Variants in MTUS1 observed in about 807,000 individuals in gnomAD.
MTUS1 encodes the protein microtubule associated scaffold protein 1.
A neutral mutation model predicts 120.8 loss-of-function variants in MTUS1; 109 were observed. The observed-to-expected ratio is 0.90, with a 90% CI of 0.77 to 1.06. The LOEUF (loss-of-function observed/expected upper bound fraction) is 1.06. MTUS1 is among the 50% of genes least tolerant of loss of function. The pLI is 0.00. For missense variants in MTUS1, 2,210 were observed against 1,486.3 expected, an observed-to-expected ratio of 1.49 and a Z score of -8.01; for synonymous variants, 737 against 550.5, an observed-to-expected ratio of 1.34 and a Z score of -4.74.
At chr8:17,758,099 G>A (rs1003935018) in intron 1 of MTUS1, 1 of 152,158 alleles carries the variant, frequency 6.6e-6, no homozygotes, top group Non-Finnish European at 1.5e-5. Flanking sequence ...ATATCCATGA[G>A]GGAGGGAAAA....
intron 1 of MTUS1, among the ~76,000 whole-genome samples, chr8:17,778,758 G>A (rs1314315614): frequency 6.6e-6 from 1 of 152,128 alleles, no homozygotes; most frequent in Non-Finnish European, 1.5e-5. Context: ...GCAGTGAGCT[G>A]AGATAGCACC....
At chr8:17,705,037 G>A (rs1039610495) in intron 6 of MTUS1, among the ~76,000 whole-genome samples, 2 of 152,150 alleles carry the variant, frequency 1.3e-5, no homozygotes, top group Non-Finnish European at 2.9e-5. Flanking sequence ...AGGCTGGAGT[G>A]CGGTGGTGCA....
At chr8:17,661,277 G>T (rs561681288) in intron 8 of MTUS1, among the ~76,000 whole-genome samples, 37 of 152,234 alleles carry the variant, frequency 2.4e-4, no homozygotes, top group Admixed American at 6.5e-5. Context: ...TCTAGTCAGA[G>T]AAATTCTAGT....
intron 8 of MTUS1, among the ~76,000 whole-genome samples, chr8:17,672,197 C>A (rs1199348622): frequency 6.6e-6 from 1 of 152,148 alleles, no homozygotes; most frequent in African/African-American, 2.4e-5. Context: ...GATGCCCTCA[C>A]AAAACAGCCA....
At chr8:17,699,275 T>C (rs923316405) in intron 6 of MTUS1, among the ~76,000 whole-genome samples, 2 of 152,222 alleles carry the variant, frequency 1.3e-5, no homozygotes, top group Admixed American at 1.3e-4. Context: ...TGGAGTGTAA[T>C]GGCGCAGTCT....
rs751411414 is a variant in MTUS1 at position 17,723,841 on chromosome 8, T to A, written c.2288-8A>T. On this transcript the variant is annotated splice_region_variant and splice_polypyrimidine_tract_variant and intron_variant, in intron 3 of 14. Coordinates refer to ENST00000693296, the MANE Select transcript of MTUS1 (RefSeq NM_001363059.2). ...TCAAGGATGTAGGCTTTCCTTGGGG[T>A]TTAAAAAAAACAAAAAGTTTCCAGT... The A allele has an allele frequency of 1.3e-6, 2 of 1,541,862 alleles. No individual in the cohort carries two copies. Among genetic ancestry groups the A allele is most frequent in the Admixed American group, 4.3e-5 (2 of 46,454 alleles).
At chr8:17,801,145 G>C (rs2052652457), upstream of MTUS1, among the ~76,000 whole-genome samples, 1 of 151,570 alleles carries the variant, frequency 6.6e-6, no homozygotes, top group Non-Finnish European at 1.5e-5. Context: ...GGGTCGCCGA[G>C]AACCCGCCCC....
intron 1 of MTUS1, among the ~76,000 whole-genome samples, chr8:17,760,145 G>A (rs2048928901): frequency 6.6e-6 from 1 of 150,660 alleles, no homozygotes; most frequent in Middle Eastern, 3.4e-3. Flanking sequence ...GGGCCCAGTA[G>A]TTCACAGCTG....
chr8:17,650,934 C>G (rs1806848748), intron 12 of MTUS1, among the ~76,000 whole-genome samples: 1 of 152,162 alleles, frequency 6.6e-6, no homozygotes, highest in Admixed American at 6.5e-5. Flanking sequence ...GGTCATCAAG[C>G]TTATCTTCCG....
chr8:17,688,441 G>C (rs532604037), intron 6 of MTUS1, among the ~76,000 whole-genome samples: 10 of 152,342 alleles, frequency 6.6e-5, no homozygotes, highest in South Asian at 2.1e-4. Context: ...TGACTGGATG[G>C]TAAGTCCTTT....
intron 13 of MTUS1, among the ~76,000 whole-genome samples, chr8:17,649,612 T>C (rs1237280509): frequency 6.6e-6 from 1 of 152,204 alleles, no homozygotes; most frequent in Non-Finnish European, 1.5e-5. Flanking sequence ...GTTTGTAGTT[T>C]TTCCAAGGAC....
intron 1 of MTUS1, among the ~76,000 whole-genome samples, chr8:17,757,414 T>C (rs1006342644): frequency 2.6e-5 from 4 of 152,250 alleles, no homozygotes; most frequent in African/African-American, 9.6e-5. Context: ...TAAAACTATG[T>C]ACTGATGATG....
rs561216852 is a variant in MTUS1, at chr8:17,735,931, A to C, written c.2287+7673T>G. ...AATGCAAAGCAGCAGAGAGGCCAGG[A>C]CAGCTGAGGTGGAATCTGAAGAGCC... is the stretch of plus-strand genomic sequence containing the variant. On this transcript the variant is annotated intron_variant, in intron 3 of 14. Transcript: ENST00000693296. Among the ~76,000 whole-genome samples the C allele has an allele frequency of 3.6e-4, 55 of 152,360 alleles. 1 individual carries two copies. Among genetic ancestry groups the C allele is most frequent in the Non-Finnish European group, 1.3e-4 (9 of 68,038 alleles).
At chr8:17,667,969 G>C (rs1002768935) in intron 8 of MTUS1, among the ~76,000 whole-genome samples, 1 of 152,052 alleles carries the variant, frequency 6.6e-6, no homozygotes, top group African/African-American at 2.4e-5. Flanking sequence ...TTATAGGAAG[G>C]GCAAGCATTT....
rs572823905 is a variant in MTUS1, at chr8:17,726,637, A to G, written c.2288-2804T>C. 3.9e-5 allele frequency among the ~76,000 whole-genome samples: 6 copies of G among 152,274 alleles called. No individual in the cohort carries two copies. In the South Asian group the frequency reaches 1.0e-3, roughly 26 times the overall value. On this transcript the variant is annotated intron_variant, in intron 3 of 14. Transcript: ENST00000693296. The stretch of plus-strand genomic sequence containing the variant: ...TATTTGAATCTTCAGTCTATTAGAG[A>G]CTTTTTTCTTTACATCCTTTACAAT...
At chr8:17,661,690 A>G (rs1164861088) in intron 8 of MTUS1, among the ~76,000 whole-genome samples, 1 of 145,836 alleles carries the variant, frequency 6.9e-6, no homozygotes, top group Non-Finnish European at 1.5e-5. Flanking sequence ...TGAGGTGAAG[A>G]GAGGACACAT....
At chr8:17,733,819 A>G (rs1175519222) in intron 3 of MTUS1, among the ~76,000 whole-genome samples, 2 of 152,062 alleles carry the variant, frequency 1.3e-5, no homozygotes, top group East Asian at 3.9e-4. Flanking sequence ...TTCTCATTCT[A>G]CCTTCTAGTA....
intron 7 of MTUS1, among the ~76,000 whole-genome samples, chr8:17,681,225 C>T (rs552772390): frequency 5.9e-5 from 9 of 152,280 alleles, no homozygotes; most frequent in Admixed American, 2.6e-4. Flanking sequence ...TGAGCCACAG[C>T]GCCCGGCCTG....
intron 6 of MTUS1, among the ~76,000 whole-genome samples, chr8:17,686,908 T>C (rs1260722544): frequency 2.0e-5 from 3 of 152,198 alleles, no homozygotes; most frequent in Non-Finnish European, 4.4e-5. Flanking sequence ...AAAAGTTAAA[T>C]ATAAGAAGTA....
Sources: gnomAD v4.1 joint callset for allele counts (sites outside exome capture counted in the v4.1 genomes callset) on GRCh38, gnomAD v4.1.1 for gene constraint, MANE v1.5 for transcripts, NCBI Gene and HGNC (gene_info 2026-07-23, HGNC 2026-07-21) for gene names.